NFATC2IP: variants seen among roughly 807,000 people sequenced by gnomAD.
NFATC2IP encodes the protein nuclear factor of activated T cells 2 interacting protein, also known as NFATC2-interacting protein.
A neutral mutation model predicts 40.2 loss-of-function variants in NFATC2IP; 25 were observed. The observed-to-expected ratio is 0.62, with a 90% CI of 0.45 to 0.87. The LOEUF is 0.87. NFATC2IP is among the 40% of genes least tolerant of loss of function. The probability of loss-of-function intolerance (pLI) is 0.00; values close to 1 mark genes in which losing one functional copy is unlikely to be tolerated. For missense variants in NFATC2IP, 553 were observed against 555.6 expected, an observed-to-expected ratio of 1.00 and a Z score of 0.05; for synonymous variants, 241 against 236.3, an observed-to-expected ratio of 1.02 and a Z score of -0.18.
intron 5 of NFATC2IP, chr16:28,956,615 TCTTA>T (rs1232944470): frequency 4.7e-6 from 2 of 421,402 alleles, no homozygotes; most frequent in Admixed American, 8.0e-5. Flanking sequence ...CAAAAAGTGG[TCTTA>T]CTGTGTCCAG....
chr16:28,961,911 A>T (rs1373094576), intron 7 of NFATC2IP, among the ~76,000 whole-genome samples: 8 of 148,164 alleles, frequency 5.4e-5, no homozygotes, highest in African/African-American at 2.0e-4. Context: ...AAAAAAAAAA[A>T]AAAAAAAAAA....
chr16:28,961,814 C>G (rs555459016), intron 7 of NFATC2IP, among the ~76,000 whole-genome samples: 2 of 146,728 alleles, frequency 1.4e-5, no homozygotes, highest in Non-Finnish European at 3.0e-5. Flanking sequence ...GCAGAAGAAT[C>G]GCTTGAACCT....
rs1424150176 is a variant in NFATC2IP, at chr16:28,964,564, A to ACAGTCC, written c.*704_*709dup. 2.0e-5 allele frequency: 3 copies of ACAGTCC among 152,490 alleles called. No individual in the cohort carries two copies. Among genetic ancestry groups the ACAGTCC allele is most frequent in the Admixed American group, 6.5e-5 (1 of 15,302 alleles). 9.4% of individuals were successfully genotyped at this position (152,490 alleles called of 1,614,324 possible). The stretch of plus-strand genomic sequence containing the variant: ...CCCTTTGGTTTGGGATCTCAGGAAT[A>ACAGTCC]CAGTCCCATGCAAAGATTCTCTGGT... On this transcript the variant is annotated 3_prime_UTR_variant, in exon 8 of 8. Coordinates refer to ENST00000320805, the MANE Select transcript of NFATC2IP (RefSeq NM_032815.4).
At chr16:28,951,465 C>CTTCTCTTAAGA in intron 1 of NFATC2IP, 67 bp downstream of exon 1, 1 of 1,331,768 alleles carries the variant, frequency 7.5e-7, no homozygotes, top group Non-Finnish European at 9.6e-7. Flanking sequence ...GAGGGGCCGG[C>CTTCTCTTAAGA]GTTCGGGGAG....
rs1218467691 is a variant in NFATC2IP, at chr16:28,965,141, C to G, written c.*1278C>G. On this transcript the variant is annotated 3_prime_UTR_variant, in exon 8 of 8. Coordinates refer to ENST00000320805, the MANE Select transcript of NFATC2IP (RefSeq NM_032815.4). Reference sequence around the variant, plus strand: ...GATAGTGGTGCAGTGCTTTAACATACATTCATCTGATCAGCATTAATTTGG... The same window carrying G: ...GATAGTGGTGCAGTGCTTTAACATAGATTCATCTGATCAGCATTAATTTGG... 1 of 152,208 alleles carries G rather than the reference C, an allele frequency of 6.6e-6. No homozygotes were observed. Among genetic ancestry groups the G allele is most frequent in the Admixed American group, 6.5e-5 (1 of 15,274 alleles). 9.4% of individuals were successfully genotyped at this position (152,208 alleles called of 1,614,324 possible).
rs1345476701 is a variant in NFATC2IP at position 28,965,078 on chromosome 16, A to G, written c.*1215A>G. ...TCTCCTTATCCTTGCCAGCACTTGT[A>G]TTGCCAGACTACCTAATTTTTGCCA... On this transcript the variant is annotated 3_prime_UTR_variant, in exon 8 of 8. Transcript: ENST00000320805. The G allele has an allele frequency of 1.3e-5, 2 of 152,142 alleles. No homozygotes were observed. The highest frequency in any genetic ancestry group is 2.9e-5 in the Non-Finnish European group (2 of 68,030). 9.4% of individuals were successfully genotyped at this position (152,142 alleles called of 1,614,324 possible). A position where few individuals can be genotyped will look rare whatever the true frequency, so the allele number is the denominator to read the frequency against.
At chr16:28,952,263 T>G in intron 2 of NFATC2IP, 59 bp downstream of exon 2, 5 of 1,608,864 alleles carry the variant, frequency 3.1e-6, no homozygotes, top group Non-Finnish European at 4.2e-6. Flanking sequence ...AGAGAATTCC[T>G]GGGGTTTATA....
chr16:28,961,756 C>T (rs1019789087), intron 7 of NFATC2IP, among the ~76,000 whole-genome samples: 7 of 151,918 alleles, frequency 4.6e-5, no homozygotes, highest in African/African-American at 7.2e-5. Flanking sequence ...AAAAATTAGC[C>T]GGGCATGGTG....
At chr16:28,952,362 C>A in intron 2 of NFATC2IP, 158 bp downstream of exon 2, 1 of 1,164,558 alleles carries the variant, frequency 8.6e-7, no homozygotes, top group Non-Finnish European at 1.2e-6. Context: ...GGATTGTTAA[C>A]AAGCATAGAA....
intron 7 of NFATC2IP, among the ~76,000 whole-genome samples, chr16:28,962,879 G>C (rs1027593435): frequency 6.6e-6 from 1 of 152,086 alleles, no homozygotes; most frequent in Non-Finnish European, 1.5e-5. Context: ...TTCTGTGTCT[G>C]TTCCATAAGC....
intron 5 of NFATC2IP, 119 bp from the exon 6 acceptor site, chr16:28,958,598 A>C: frequency 1.2e-6 from 1 of 840,220 alleles, no homozygotes; most frequent in Non-Finnish European, 1.9e-6. Flanking sequence ...AATATGATGA[A>C]ACTCACAGCT....
chr16:28,956,047 C>A lies in NFATC2IP; in HGVS notation c.648C>A (p.Leu216=). Residue 216 remains leucine, a synonymous_variant, in exon 4 of 8, where the codon CTC becomes CTA. Transcript: ENST00000320805. ...AAAGCAGAACGCATACTCGGGCACT[C>A]AAGAAGTTAAGGTGCCAAGTGCAGG... ...RTKSRTHTRA[L]KKLSEVNKRL... is the part of the protein sequence containing the mutation. 6.2e-7 allele frequency: 1 copy of A among 1,614,048 alleles called. No homozygotes were observed. The highest frequency in any genetic ancestry group is 1.1e-5 in the South Asian group (1 of 91,074).
Position 28,964,040 on chromosome 16 carries a change from G to A in NFATC2IP, c.*177G>A, listed in dbSNP as rs1965117467. 4 of 614,422 alleles carry A rather than the reference G, an allele frequency of 6.5e-6. No individual in the cohort carries two copies. The highest frequency in any genetic ancestry group is 1.1e-5 in the Non-Finnish European group (4 of 353,774). 38.1% of individuals were successfully genotyped at this position (614,422 alleles called of 1,614,324 possible). On this transcript the variant is annotated 3_prime_UTR_variant, in exon 8 of 8. Coordinates refer to ENST00000320805, the MANE Select transcript of NFATC2IP (RefSeq NM_032815.4). ...CTGGTTTAGAGCCGTTAACCACTTG[G>A]TGAGTTATGTGGGTGTTGTTGCCCT...
chr16:28,952,390 T>TC, intron 2 of NFATC2IP, 186 bp downstream of exon 2: 3 of 917,970 alleles, frequency 3.3e-6, no homozygotes, highest in Non-Finnish European at 4.7e-6. Context: ...ATGTATACAT[T>TC]TCTGGTGCCA....
chr16:28,958,420 A>G, intron 5 of NFATC2IP: 1 of 299,842 alleles, frequency 3.3e-6, no homozygotes, highest in East Asian at 6.6e-5. Context: ...CACAGTGCCA[A>G]TCAGCTGGAG....
At chr16:28,953,932 A>C (rs1373817004) in intron 2 of NFATC2IP, among the ~76,000 whole-genome samples, 1 of 85,592 alleles carries the variant, frequency 1.2e-5, no homozygotes, top group Non-Finnish European at 3.1e-5. Context: ...AAAAAAAAAG[A>C]AAAACGAAAT....
intron 7 of NFATC2IP, 124 bp from the exon 8 acceptor site, chr16:28,963,581 G>GAT: frequency 1.3e-6 from 1 of 783,810 alleles, no homozygotes; most frequent in Non-Finnish European, 2.0e-6. Context: ...TCCCCGCATG[G>GAT]GGCCCTGACT....
Position 28,966,812 on chromosome 16 carries a change from G to C in NFATC2IP, c.*2949G>C, listed in dbSNP as rs1171045737. On this transcript the variant is annotated 3_prime_UTR_variant, in exon 8 of 8. Transcript: ENST00000320805. ...ATACACCTTTATATATGAGATCCAAGTTTCACTTTTTGTGATATAATGAGC... is the reference window on the plus strand; with the variant it reads ...ATACACCTTTATATATGAGATCCAACTTTCACTTTTTGTGATATAATGAGC... 1 of 149,704 alleles carries C rather than the reference G, an allele frequency of 6.7e-6. No individual in the cohort carries two copies. Among genetic ancestry groups the C allele is most frequent in the African/African-American group, 2.5e-5 (1 of 40,650 alleles). The allele number at this position is 149,704 out of a possible 1,614,324, so 9.3% of individuals were successfully genotyped here.
intron 2 of NFATC2IP, 105 bp downstream of exon 2, chr16:28,952,309 A>G (rs1254604806): frequency 2.6e-6 from 4 of 1,535,752 alleles, no homozygotes; most frequent in Non-Finnish European, 3.5e-6. Flanking sequence ...GCTCAAGGGA[A>G]GAGCGTGGGA....
Sources: gnomAD v4.1 joint callset for allele counts (sites outside exome capture counted in the v4.1 genomes callset) on GRCh38, gnomAD v4.1.1 for gene constraint, MANE v1.5 for transcripts, NCBI Gene and HGNC (gene_info 2026-07-23, HGNC 2026-07-21) for gene names.